Variants in CPED1 observed in about 807,000 individuals in gnomAD.
The protein encoded by CPED1 is cadherin like and PC-esterase domain containing 1, also known as cadherin-like and PC-esterase domain-containing protein 1.
In CPED1, 114 loss-of-function variants were observed where a neutral mutation model predicts 128.2. The observed-to-expected ratio is 0.89, with a 90% CI of 0.76 to 1.04. The LOEUF (loss-of-function observed/expected upper bound fraction) is 1.04, where lower values mean the gene tolerates loss of function less well. Among genes scored for constraint, CPED1 ranks in the 50% least tolerant of loss-of-function variants. The pLI is 0.00. For missense variants in CPED1, 1,211 were observed against 1,207.1 expected (o/e 1.00, Z -0.05); for synonymous variants, 462 against 426.7 (o/e 1.08, Z -1.02).
chr7:121,250,018 A>C (rs4731003), intron 18 of CPED1, among the ~76,000 whole-genome samples: 1 of 151,938 alleles, frequency 6.6e-6, no homozygotes, highest in Non-Finnish European at 1.5e-5. Flanking sequence ...CAGAATATAC[A>C]TTCTTTTCAG....
chr7:121,194,535 C>T (rs1797227003), intron 16 of CPED1, among the ~76,000 whole-genome samples: 2 of 151,936 alleles, frequency 1.3e-5, no homozygotes. Flanking sequence ...ATTTCATTTA[C>T]CAGCTGTATG....
intron 4 of CPED1, among the ~76,000 whole-genome samples, chr7:121,055,897 C>CA (rs1793487475): frequency 6.6e-6 from 1 of 151,784 alleles, no homozygotes; most frequent in Admixed American, 6.6e-5. Context: ...ACAAAAAAAT[C>CA]AAAATTTTGA....
rs1215296589 is a variant in CPED1 at position 121,098,778 on chromosome 7, AT to A, written c.749+948del. Among the ~76,000 whole-genome samples, 209 of 119,976 alleles carry A rather than the reference AT, an allele frequency of 1.7e-3. 6 individuals carry two copies. Among genetic ancestry groups the A allele is most frequent in the East Asian group, 3.1e-3 (15 of 4,824 alleles). 78.7% of individuals were successfully genotyped at this position (119,976 alleles called of 152,430 possible). The stretch of plus-strand genomic sequence containing the variant: ...TAAAAATATATATAAATATATATAT[AT>A]AAAAATATATAAAAATATATATAAA... On this transcript the variant is annotated intron_variant, in intron 6 of 22. Transcript: ENST00000310396.
intron 16 of CPED1, among the ~76,000 whole-genome samples, chr7:121,219,647 GGAAGAAACACAC>G (rs1297770353): frequency 6.6e-6 from 1 of 151,882 alleles, no homozygotes; most frequent in East Asian, 1.9e-4. Context: ...ATATGTTTAG[GGAAGAAACACAC>G]AACTGTGTCA....
At position 121,128,406 on chromosome 7, in the gene CPED1, A is replaced by C; in HGVS notation, c.1327A>C (p.Asn443His). ...GGGTGAAAACTATCAAAAGGAACTAAATCAGTGTCTGTCCTTAGAAGAAAT... is the reference window on the plus strand; with the variant it reads ...GGGTGAAAACTATCAAAAGGAACTACATCAGTGTCTGTCCTTAGAAGAAAT... ...FKGENYQKEL[N>H]QCLSLEEINS... is the part of the protein sequence containing the mutation. The change falls in exon 11 of 23, where the codon AAT (asparagine) becomes CAT (histidine). Residue 443 changes from asparagine to histidine, a missense_variant. Physicochemically the swap from Asn to His is moderately conservative, Grantham distance 68. Coordinates refer to ENST00000310396, the MANE Select transcript of CPED1 (RefSeq NM_024913.5). The C allele has an allele frequency of 6.3e-7, 1 of 1,596,362 alleles. No homozygotes were observed. The highest frequency in any genetic ancestry group is 8.6e-7 in the Non-Finnish European group (1 of 1,164,112).
At chr7:121,039,753 G>A (rs1792999350) in intron 3 of CPED1, among the ~76,000 whole-genome samples, 1 of 151,764 alleles carries the variant, frequency 6.6e-6, no homozygotes, top group Non-Finnish European at 1.5e-5. Flanking sequence ...AAACTAGGAG[G>A]GAACTTTAGC....
chr7:121,110,877 T>C (rs1326691803), intron 7 of CPED1, among the ~76,000 whole-genome samples: 1 of 152,078 alleles, frequency 6.6e-6, no homozygotes, highest in Non-Finnish European at 1.5e-5. Flanking sequence ...ATGAGGAGCA[T>C]GGTGGCTTGA....
intron 22 of CPED1, among the ~76,000 whole-genome samples, chr7:121,294,198 GC>G (rs1420958407): frequency 6.6e-6 from 1 of 152,064 alleles, no homozygotes; most frequent in East Asian, 1.9e-4. Flanking sequence ...TACAAATGTA[GC>G]CTCTTTGTTT....
intron 2 of CPED1, among the ~76,000 whole-genome samples, chr7:121,007,359 T>C (rs1201620545): frequency 6.6e-6 from 1 of 151,402 alleles, no homozygotes; most frequent in African/African-American, 2.4e-5. Context: ...GGTCCCAAAG[T>C]TTTGAGTGAG....
intron 5 of CPED1, among the ~76,000 whole-genome samples, chr7:121,090,374 C>G: frequency 6.6e-6 from 1 of 152,174 alleles, no homozygotes; most frequent in South Asian, 2.1e-4. Context: ...GCCAAGAGTA[C>G]TGTCTAGAAA....
chr7:121,113,110 C>T (rs1216599334), intron 7 of CPED1, among the ~76,000 whole-genome samples: 1 of 152,176 alleles, frequency 6.6e-6, no homozygotes, highest in African/African-American at 2.4e-5. Context: ...TAATCTATAT[C>T]TTCTTGCATA....
At chr7:121,130,671 AATT>A (rs1477313889) in intron 12 of CPED1, among the ~76,000 whole-genome samples, 1 of 151,988 alleles carries the variant, frequency 6.6e-6, no homozygotes, top group East Asian at 1.9e-4. Flanking sequence ...GAGACAGTAA[AATT>A]ATTTATTTAG....
At position 121,170,642 on chromosome 7, in the gene CPED1, G is replaced by T. The variant is rs148045043; in HGVS notation, c.2055+28501G>T. 3.4e-4 allele frequency among the ~76,000 whole-genome samples: 52 copies of T among 152,146 alleles called. No homozygotes were observed. The East Asian group carries it at 7.3e-3, about 21-fold the overall frequency. ...CTTCTCATGGAGCTCACAGTCTAGTGGGTAAAACAAATGTTCAATAGATTA... is the reference window on the plus strand; with the variant it reads ...CTTCTCATGGAGCTCACAGTCTAGTTGGTAAAACAAATGTTCAATAGATTA... On this transcript the variant is annotated intron_variant, in intron 16 of 22. Transcript: ENST00000310396.
intron 18 of CPED1, among the ~76,000 whole-genome samples, chr7:121,247,733 A>AGAT (rs1335443893): frequency 2.0e-5 from 3 of 152,144 alleles, no homozygotes; most frequent in Admixed American, 1.3e-4. Flanking sequence ...GAGTAGACAT[A>AGAT]GATGGTACCT....
intron 7 of CPED1, among the ~76,000 whole-genome samples, chr7:121,117,132 G>A (rs967882752): frequency 1.6e-5 from 2 of 128,528 alleles, no homozygotes; most frequent in Admixed American, 8.3e-5. Flanking sequence ...ATGGAGTCTC[G>A]CTCTGTCACC....
At chr7:121,120,300 A>G (rs1245924936) in intron 7 of CPED1, among the ~76,000 whole-genome samples, 1 of 152,070 alleles carries the variant, frequency 6.6e-6, no homozygotes, top group South Asian at 2.1e-4. Context: ...TAATATCCTC[A>G]CCAATGATTA....
chr7:121,011,322 A>G (rs1792160058), intron 2 of CPED1, among the ~76,000 whole-genome samples: 3 of 152,226 alleles, frequency 2.0e-5, no homozygotes, highest in Admixed American at 6.5e-5. Flanking sequence ...ACTGAGAAAT[A>G]TAGTACTTTT....
chr7:121,084,642 A>G (rs535967692), intron 5 of CPED1, among the ~76,000 whole-genome samples: 1 of 152,352 alleles, frequency 6.6e-6, no homozygotes, highest in African/African-American at 2.4e-5. Context: ...TTTCTGCAAA[A>G]TTCAGTATGT....
chr7:120,997,012 A>G (rs1015414933), intron 2 of CPED1, among the ~76,000 whole-genome samples: 4 of 152,206 alleles, frequency 2.6e-5, no homozygotes, highest in Non-Finnish European at 4.4e-5. Context: ...TCCATAATCC[A>G]TAATCCACCC....
Sources: gnomAD v4.1 joint callset for allele counts (sites outside exome capture counted in the v4.1 genomes callset) on GRCh38, gnomAD v4.1.1 for gene constraint, MANE v1.5 for transcripts, NCBI Gene and HGNC (gene_info 2026-07-23, HGNC 2026-07-21) for gene names.